C1orf21: variants seen among roughly 807,000 people sequenced by gnomAD.
C1orf21 encodes chromosome 1 open reading frame 21, also known as uncharacterized protein C1orf21.
A neutral mutation model predicts 18.7 loss-of-function variants in C1orf21; 3 were observed. The observed-to-expected ratio is 0.16, with a 90% CI of 0.07 to 0.42. The LOEUF (loss-of-function observed/expected upper bound fraction) is 0.42, where lower values mean the gene tolerates loss of function less well. C1orf21 is among the 10% of genes least tolerant of loss of function. The probability of loss-of-function intolerance (pLI) is 0.99; values close to 1 mark genes in which losing one functional copy is unlikely to be tolerated. For missense variants in C1orf21, 104 were observed against 143.6 expected (o/e 0.72, Z 1.41); for synonymous variants, 41 against 46.4 (o/e 0.88, Z 0.47).
chr1:184,597,704 A>AT (rs11430078), intron 4 of C1orf21, among the ~76,000 whole-genome samples: 39,883 of 152,056 alleles, frequency 0.26, 6,233 homozygotes, highest in African/African-American at 0.44. Flanking sequence ...CCCATATGTA[A>AT]TTCATCCCTG....
intron 1 of C1orf21, among the ~76,000 whole-genome samples, chr1:184,458,550 T>C (rs1306992248): frequency 2.0e-5 from 3 of 152,200 alleles, no homozygotes; most frequent in Non-Finnish European, 2.9e-5. Flanking sequence ...TACTGAATAG[T>C]AAATGGATAT....
chr1:184,614,705 A>G (rs1285217560), intron 5 of C1orf21, among the ~76,000 whole-genome samples: 1 of 152,228 alleles, frequency 6.6e-6, no homozygotes, highest in Non-Finnish European at 1.5e-5. Context: ...TTTTCCTGCA[A>G]CAAGATGGTC....
intron 1 of C1orf21, among the ~76,000 whole-genome samples, chr1:184,388,403 A>G (rs945775861): frequency 2.0e-5 from 3 of 152,304 alleles, no homozygotes; most frequent in East Asian, 3.9e-4. Flanking sequence ...TCGGTGACCT[A>G]TGGGATCTCT....
In C1orf21 at chr1:184,513,152, CA is replaced by C. The variant is rs368810040; in HGVS notation, c.189+5475del. Among the ~76,000 whole-genome samples, 771 of 152,228 alleles carry C rather than the reference CA, an allele frequency of 5.1e-3. 3 individuals carry two copies. Among genetic ancestry groups the C allele is most frequent in the Admixed American group, 0.015 (225 of 15,298 alleles). On this transcript the variant is annotated intron_variant, in intron 3 of 5. Transcript: ENST00000235307. Reference sequence around the variant, plus strand: ...CTTCCATGAAACCAGTTCCTGGTGTCAAAAAGGTTGGGGACCACTGTATTAA... The same window carrying C: ...CTTCCATGAAACCAGTTCCTGGTGTCAAAAGGTTGGGGACCACTGTATTAA...
chr1:184,497,346 A>G (rs1657908076), intron 2 of C1orf21, among the ~76,000 whole-genome samples: 1 of 152,184 alleles, frequency 6.6e-6, no homozygotes, highest in South Asian at 2.1e-4. Context: ...CTCTGAGGGG[A>G]AAATAAGTTG....
rs1232759291 is a variant in C1orf21 at position 184,621,607 on chromosome 1, C to T, written c.*2051C>T. ...AATTAAGCACATGCTAAACGTCTTC[C>T]ATTTGACTTCTCTACTCGGTGTCTC... On this transcript the variant is annotated 3_prime_UTR_variant, in exon 6 of 6. Transcript: ENST00000235307. The T allele has an allele frequency of 6.6e-6, 1 of 152,418 alleles. No individual in the cohort carries two copies. The highest frequency in any genetic ancestry group is 2.4e-5 in the African/African-American group (1 of 41,422). 9.4% of individuals were successfully genotyped at this position (152,418 alleles called of 1,614,324 possible).
At chr1:184,421,172 G>A (rs1295396234) in intron 1 of C1orf21, among the ~76,000 whole-genome samples, 1 of 152,030 alleles carries the variant, frequency 6.6e-6, no homozygotes, top group Non-Finnish European at 1.5e-5. Flanking sequence ...TGTCACCCAG[G>A]CTGGAGTGTA....
chr1:184,529,815 C>G (rs1182199618), intron 3 of C1orf21, among the ~76,000 whole-genome samples: 2 of 152,106 alleles, frequency 1.3e-5, no homozygotes, highest in Non-Finnish European at 2.9e-5. Flanking sequence ...ATCTTTTTAC[C>G]TTTGAATGCC....
At chr1:184,482,043 G>A (rs1657665342) in intron 2 of C1orf21, among the ~76,000 whole-genome samples, 1 of 152,306 alleles carries the variant, frequency 6.6e-6, no homozygotes, top group Non-Finnish European at 1.5e-5. Flanking sequence ...TTAACCATTT[G>A]TAACCCATTA....
intron 1 of C1orf21, among the ~76,000 whole-genome samples, chr1:184,405,126 A>G (rs1297718984): frequency 2.0e-5 from 3 of 152,190 alleles, no homozygotes; most frequent in Non-Finnish European, 4.4e-5. Context: ...ATATCAGCAA[A>G]TGAAACGTTC....
intron 3 of C1orf21, among the ~76,000 whole-genome samples, chr1:184,530,561 T>C (rs1658445147): frequency 6.6e-6 from 1 of 151,974 alleles, no homozygotes; most frequent in Non-Finnish European, 1.5e-5. Context: ...ACTTCATTAA[T>C]TTCTCCCGAG....
intron 3 of C1orf21, among the ~76,000 whole-genome samples, chr1:184,531,032 GT>G (rs1658455513): frequency 6.6e-6 from 1 of 152,094 alleles, no homozygotes; most frequent in South Asian, 2.1e-4. Flanking sequence ...ATTAGAATTG[GT>G]TTTTACAGCG....
chr1:184,546,724 A>G (rs577179056), intron 3 of C1orf21, among the ~76,000 whole-genome samples: 1 of 152,360 alleles, frequency 6.6e-6, no homozygotes, highest in Non-Finnish European at 1.5e-5. Context: ...ATCCGCTCTC[A>G]GAGGACAAAA....
chr1:184,564,415 C>G (rs904225621), intron 3 of C1orf21, among the ~76,000 whole-genome samples: 1 of 152,156 alleles, frequency 6.6e-6, no homozygotes, highest in Non-Finnish European at 1.5e-5. Flanking sequence ...TTCAAGTGAT[C>G]TCCTGCCTCA....
At chr1:184,597,796 AAC>A (rs1295371269) in intron 4 of C1orf21, among the ~76,000 whole-genome samples, 3 of 152,192 alleles carry the variant, frequency 2.0e-5, no homozygotes, top group Non-Finnish European at 4.4e-5. Flanking sequence ...CAGGACAGGA[AAC>A]ACAGAGCAAG....
chr1:184,481,399 C>T (rs1657652259), intron 2 of C1orf21, among the ~76,000 whole-genome samples: 1 of 152,130 alleles, frequency 6.6e-6, no homozygotes, highest in Non-Finnish European at 1.5e-5. Context: ...TATGGTGCCT[C>T]TGAAGCTTGG....
At chr1:184,600,095 C>A (rs1659567334) in intron 5 of C1orf21, among the ~76,000 whole-genome samples, 1 of 152,068 alleles carries the variant, frequency 6.6e-6, no homozygotes, top group South Asian at 2.1e-4. Context: ...AACTTGAAAC[C>A]TGAATTTTAA....
chr1:184,492,821 T>G (rs1657834963), intron 2 of C1orf21, among the ~76,000 whole-genome samples: 1 of 152,200 alleles, frequency 6.6e-6, no homozygotes, highest in Non-Finnish European at 1.5e-5. Flanking sequence ...GGTAGATTGG[T>G]CCTGTTGTTT....
chr1:184,569,870 ATGGCATAGCCATATGTCC>A (rs1659084902), intron 3 of C1orf21, among the ~76,000 whole-genome samples: 1 of 152,236 alleles, frequency 6.6e-6, no homozygotes, highest in Non-Finnish European at 1.5e-5. Flanking sequence ...GGAGAGGACT[ATGGCATAGCCATATGTCC>A]TAAGCCAAAG....
Sources: allele counts gnomAD v4.1 joint callset (sites outside exome capture counted in the v4.1 genomes callset), GRCh38; gene constraint gnomAD v4.1.1; transcripts MANE v1.5; gene names NCBI Gene and HGNC (gene_info 2026-07-23, HGNC 2026-07-21).